Variants in ATP2B1 observed in about 807,000 individuals in gnomAD.
ATP2B1 encodes the protein ATPase plasma membrane Ca2+ transporting 1.
ATP2B1 carries 14 observed loss-of-function variants against 124.2 expected under a neutral mutation model. That is an observed-to-expected ratio of 0.11 (90% confidence interval 0.07 to 0.18). The LOEUF (loss-of-function observed/expected upper bound fraction) is 0.18. Ranked by LOEUF, ATP2B1 falls within the 10% of genes least tolerant of loss-of-function variation. The probability of loss-of-function intolerance (pLI) is 1.00; values close to 1 mark genes in which losing one functional copy is unlikely to be tolerated. For missense variants in ATP2B1, 763 were observed against 1,466.1 expected (o/e 0.52, Z 7.83); for synonymous variants, 449 against 492.4 (o/e 0.91, Z 1.17).
intron 6 of ATP2B1, among the ~76,000 whole-genome samples, chr12:89,629,866 T>A (rs1881564265): frequency 6.6e-6 from 1 of 151,986 alleles, no homozygotes; most frequent in African/African-American, 2.4e-5. Flanking sequence ...AAAAGTGGCA[T>A]GCCCCTAACT....
chr12:89,647,278 C>T (rs1884593622), intron 2 of ATP2B1, among the ~76,000 whole-genome samples: 2 of 152,176 alleles, frequency 1.3e-5, no homozygotes, highest in Admixed American at 1.3e-4. Flanking sequence ...AACCAAAACA[C>T]ATCAAAAGTA....
intron 19 of ATP2B1, among the ~76,000 whole-genome samples, chr12:89,599,973 T>G (rs1192400360): frequency 6.6e-6 from 1 of 152,164 alleles, no homozygotes; most frequent in Non-Finnish European, 1.5e-5. Context: ...GAATTCTGCT[T>G]GGAGAACTTC....
intron 1 of ATP2B1, among the ~76,000 whole-genome samples, chr12:89,660,890 T>C (rs1014683594): frequency 6.6e-6 from 1 of 152,214 alleles, no homozygotes; most frequent in African/African-American, 2.4e-5. Context: ...AGAATCAGTA[T>C]ATGATTTGAT....
chr12:89,608,718 G>T (rs1355624251), intron 15 of ATP2B1, among the ~76,000 whole-genome samples: 4 of 152,146 alleles, frequency 2.6e-5, no homozygotes, highest in African/African-American at 7.2e-5. Context: ...TTTCTGGTCA[G>T]CTGTCAGAAT....
At chr12:89,632,395 T>C (rs566647166) in intron 5 of ATP2B1, among the ~76,000 whole-genome samples, 282 of 152,322 alleles carry the variant, frequency 1.9e-3, no homozygotes, top group Middle Eastern at 3.4e-3. Flanking sequence ...AAATCCATAT[T>C]GATTATTTCA....
At chr12:89,639,268 C>T (rs1271741509) in intron 3 of ATP2B1, among the ~76,000 whole-genome samples, 11 of 152,214 alleles carry the variant, frequency 7.2e-5, no homozygotes, top group Non-Finnish European at 1.5e-5. Context: ...CTTTGGGAGG[C>T]CGAGGCGGGC....
chr12:89,644,883 A>C (rs548989465), intron 2 of ATP2B1, among the ~76,000 whole-genome samples: 2 of 152,324 alleles, frequency 1.3e-5, no homozygotes, highest in African/African-American at 4.8e-5. Flanking sequence ...TTACCACTGA[A>C]AAGAACAGCC....
chr12:89,662,137 C>CTT (rs74395562), intron 1 of ATP2B1, among the ~76,000 whole-genome samples: 16 of 139,188 alleles, frequency 1.1e-4, no homozygotes, highest in Admixed American at 2.9e-4. Flanking sequence ...ATCTTTCTTT[C>CTT]TTTTTTTTTT....
intron 18 of ATP2B1, 46 bp from the exon 19 acceptor site, chr12:89,601,479 A>T (rs775054223): frequency 8.4e-7 from 1 of 1,197,392 alleles, no homozygotes; most frequent in South Asian, 1.5e-5. Context: ...TTAAATTTTA[A>T]AATTCATATA....
chr12:89,589,801 G>T lies in ATP2B1; in HGVS notation c.*1183C>A, dbSNP rs890778741. 1.3e-5 allele frequency: 2 copies of T among 152,070 alleles called. No individual in the cohort carries two copies. Among genetic ancestry groups the T allele is most frequent in the Non-Finnish European group, 2.9e-5 (2 of 67,988 alleles). 9.4% of individuals were successfully genotyped at this position (152,070 alleles called of 1,614,324 possible). A position where few individuals can be genotyped will look rare whatever the true frequency, so the allele number is the denominator to read the frequency against. ...ATGTCTTTTAAAAAAACATTGCCAT[G>T]AATTTATTTAATAAAAGGGCATATT... is the stretch of plus-strand genomic sequence containing the variant. On this transcript the variant is annotated 3_prime_UTR_variant, in exon 21 of 21. Transcript: ENST00000428670.
chr12:89,694,250 G>A (rs1214520362), intron 1 of ATP2B1, among the ~76,000 whole-genome samples: 1 of 152,012 alleles, frequency 6.6e-6, no homozygotes, highest in Non-Finnish European at 1.5e-5. Flanking sequence ...TACATAATCT[G>A]TCCTATTCTC....
intron 1 of ATP2B1, among the ~76,000 whole-genome samples, chr12:89,707,370 T>C (rs909750589): frequency 6.6e-6 from 1 of 152,142 alleles, no homozygotes; most frequent in Non-Finnish European, 1.5e-5. Context: ...AATAAGACTG[T>C]CCTCAGGTGG....
chr12:89,610,600 T>C (rs1877809488), intron 13 of ATP2B1, 92 bp from the exon 14 acceptor site: 2 of 1,041,364 alleles, frequency 1.9e-6, no homozygotes, highest in African/African-American at 1.6e-5. Flanking sequence ...GCTCTCAAAG[T>C]GTGGTCCACA....
chr12:89,660,438 G>A (rs1433370796), intron 1 of ATP2B1, among the ~76,000 whole-genome samples: 1 of 152,116 alleles, frequency 6.6e-6, no homozygotes, highest in African/African-American at 2.4e-5. Context: ...TATATGCAAA[G>A]ACAAAAGTTC....
intron 20 of ATP2B1, among the ~76,000 whole-genome samples, chr12:89,591,740 G>A (rs2135839980): frequency 6.6e-6 from 1 of 151,856 alleles, no homozygotes; most frequent in South Asian, 2.1e-4. Context: ...TAGGAATTAG[G>A]GTGTCACCGA....
At chr12:89,643,310 G>C (rs1883943876) in intron 2 of ATP2B1, among the ~76,000 whole-genome samples, 1 of 151,608 alleles carries the variant, frequency 6.6e-6, no homozygotes, top group Non-Finnish European at 1.5e-5. Context: ...TACAGATTTG[G>C]TTTAGTTATT....
intron 13 of ATP2B1, chr12:89,610,844 TAAG>T (rs1877876339): frequency 2.9e-6 from 1 of 339,482 alleles, no homozygotes; most frequent in South Asian, 6.0e-5. Flanking sequence ...TAATTTAGCA[TAAG>T]AAGTTCAGAG....
intron 11 of ATP2B1, among the ~76,000 whole-genome samples, chr12:89,619,284 A>G (rs1417379014): frequency 6.6e-6 from 1 of 152,192 alleles, no homozygotes; most frequent in Non-Finnish European, 1.5e-5. Context: ...CTCTTATCAC[A>G]TTCAGAGTCC....
intron 1 of ATP2B1, among the ~76,000 whole-genome samples, chr12:89,681,398 T>TC (rs57538945): frequency 9.9e-5 from 15 of 151,514 alleles, no homozygotes; most frequent in South Asian, 2.1e-4. Flanking sequence ...TTTTTTTTTT[T>TC]GAGACACAGT....
Sources: gnomAD v4.1 joint callset for allele counts (sites outside exome capture counted in the v4.1 genomes callset) on GRCh38, gnomAD v4.1.1 for gene constraint, MANE v1.5 for transcripts, NCBI Gene and HGNC (gene_info 2026-07-23, HGNC 2026-07-21) for gene names.